The following ACTR3B variants were observed in gnomAD, a reference collection of about 807,000 sequenced individuals.
ACTR3B encodes actin related protein 3B.
ACTR3B carries 8 observed loss-of-function variants against 59.0 expected under a neutral mutation model. That is an observed-to-expected ratio of 0.14 (90% confidence interval 0.08 to 0.24). ACTR3B has a LOEUF of 0.24. ACTR3B is among the 10% of genes least tolerant of loss of function. The pLI is 1.00. For synonymous variants in ACTR3B, 148 were observed against 197.9 expected, an observed-to-expected ratio of 0.75 and a Z score of 2.12; for missense variants, 245 against 552.3, an observed-to-expected ratio of 0.44 and a Z score of 5.58.
intron 1 of ACTR3B, among the ~76,000 whole-genome samples, chr7:152,770,609 C>T (rs1045543989): frequency 6.6e-6 from 1 of 151,932 alleles, no homozygotes; most frequent in Non-Finnish European, 1.5e-5. Flanking sequence ...GCCTGTCCTC[C>T]ACAATGAACT....
chr7:152,806,996 T>C (rs1313663164), intron 4 of ACTR3B, among the ~76,000 whole-genome samples: 5 of 152,108 alleles, frequency 3.3e-5, no homozygotes, highest in East Asian at 1.9e-4. Context: ...GTGTCACCCA[T>C]GTTAGGGAGC....
Position 152,777,174 on chromosome 7 carries a change from T to C in ACTR3B, c.45-6013T>C, listed in dbSNP as rs2098138073. On this transcript the variant is annotated intron_variant, in intron 1 of 11. Transcript: ENST00000256001. ...GGCTCTTTAACCCTTTACTATCACC[T>C]GTGTATAATTTACCACCACCTTCAG... Among the ~76,000 whole-genome samples, 4 of 152,226 alleles carry C rather than the reference T, an allele frequency of 2.6e-5. No homozygotes were observed. In the South Asian group the frequency reaches 8.3e-4, roughly 31 times the overall value.
At chr7:152,833,666 G>A (rs559075604) in intron 9 of ACTR3B, among the ~76,000 whole-genome samples, 60 of 152,228 alleles carry the variant, frequency 3.9e-4, no homozygotes, top group African/African-American at 1.4e-3. Flanking sequence ...TTTTAATACC[G>A]CATTTGATAT....
At chr7:152,821,912 C>T (rs1015184882) in intron 7 of ACTR3B, among the ~76,000 whole-genome samples, 6 of 152,256 alleles carry the variant, frequency 3.9e-5, no homozygotes, top group African/African-American at 1.4e-4. Context: ...GAGCACACCA[C>T]CCTTGCAGCA....
intron 9 of ACTR3B, among the ~76,000 whole-genome samples, chr7:152,844,471 A>G (rs1178047692): frequency 1.3e-5 from 2 of 152,148 alleles, no homozygotes; most frequent in Non-Finnish European, 2.9e-5. Flanking sequence ...TAAAATAGCC[A>G]TAATAGTGAT....
intron 4 of ACTR3B, chr7:152,811,479 C>T (rs1053969916): frequency 1.3e-5 from 2 of 152,132 alleles, no homozygotes; most frequent in Non-Finnish European, 2.9e-5. Flanking sequence ...GTATGGCATG[C>T]TACTGTGTGA....
At chr7:152,775,815 A>T (rs2098135079) in intron 1 of ACTR3B, among the ~76,000 whole-genome samples, 1 of 152,160 alleles carries the variant, frequency 6.6e-6, no homozygotes, top group Non-Finnish European at 1.5e-5. Context: ...AGAGAGAAGC[A>T]TTGGAAAGAT....
chr7:152,808,672 C>T (rs2098259967), intron 4 of ACTR3B, among the ~76,000 whole-genome samples: 1 of 152,214 alleles, frequency 6.6e-6, no homozygotes. Flanking sequence ...CCCACCTCTA[C>T]TCAGTTTAAA....
At chr7:152,803,782 A>T (rs2098243960) in intron 4 of ACTR3B, among the ~76,000 whole-genome samples, 1 of 152,274 alleles carries the variant, frequency 6.6e-6, no homozygotes, top group Admixed American at 6.5e-5. Context: ...ATGAATGTTC[A>T]AAAACAATCA....
At chr7:152,785,357 T>C (rs1321537325) in intron 2 of ACTR3B, among the ~76,000 whole-genome samples, 1 of 74,340 alleles carries the variant, frequency 1.3e-5, no homozygotes, top group Non-Finnish European at 2.5e-5. Flanking sequence ...ACAGTTACAT[T>C]GTTGGGCTGA....
At chr7:152,771,844 G>A (rs555749832) in intron 1 of ACTR3B, among the ~76,000 whole-genome samples, 46 of 152,316 alleles carry the variant, frequency 3.0e-4, no homozygotes, top group Non-Finnish European at 5.3e-4. Flanking sequence ...GGGAAGCCGA[G>A]GTGGGCAGAT....
At chr7:152,804,503 G>A (rs1157877413) in intron 4 of ACTR3B, among the ~76,000 whole-genome samples, 1 of 152,066 alleles carries the variant, frequency 6.6e-6, no homozygotes, top group Non-Finnish European at 1.5e-5. Flanking sequence ...AGACTTTGTG[G>A]GCAGACACCT....
chr7:152,853,686 C>A, intron 11 of ACTR3B, 109 bp downstream of exon 11: 1 of 886,938 alleles, frequency 1.1e-6, no homozygotes, highest in Non-Finnish European at 1.8e-6. Flanking sequence ...TCGTGTGGCT[C>A]TAAACAGACC....
chr7:152,827,736 G>A (rs1796690410), intron 9 of ACTR3B, among the ~76,000 whole-genome samples: 4 of 152,166 alleles, frequency 2.6e-5, no homozygotes, highest in African/African-American at 4.8e-5. Flanking sequence ...AAGCGGGAGG[G>A]TGATAGAATG....
At chr7:152,777,437 GC>G (rs1158087785) in intron 1 of ACTR3B, among the ~76,000 whole-genome samples, 4 of 152,138 alleles carry the variant, frequency 2.6e-5, no homozygotes, top group Non-Finnish European at 5.9e-5. Context: ...AGGAGTAATA[GC>G]TTATTCATGT....
chr7:152,789,067 C>CAACAACAACAACA (rs2098185617), intron 2 of ACTR3B, among the ~76,000 whole-genome samples: 1 of 37,696 alleles, frequency 2.7e-5, no homozygotes, highest in East Asian at 2.0e-3. Flanking sequence ...CAACAACAAA[C>CAACAACAACAACA]AACAACAACA....
At chr7:152,798,341 G>A (rs2098224438) in intron 2 of ACTR3B, among the ~76,000 whole-genome samples, 1 of 152,074 alleles carries the variant, frequency 6.6e-6, no homozygotes, top group African/African-American at 2.4e-5. Flanking sequence ...CTTCTTTTGA[G>A]AAATGTCCAT....
chr7:152,835,859 A>G (rs1797412793), intron 9 of ACTR3B, among the ~76,000 whole-genome samples: 1 of 152,022 alleles, frequency 6.6e-6, no homozygotes, highest in African/African-American at 2.4e-5. Context: ...GAGGGCGACC[A>G]TTTTGATATG....
chr7:152,834,479 C>G (rs1391660097), intron 9 of ACTR3B, among the ~76,000 whole-genome samples: 2 of 152,228 alleles, frequency 1.3e-5, no homozygotes, highest in Non-Finnish European at 2.9e-5. Context: ...ATTACTTCAT[C>G]TTTCCCTTTT....
Sources: gnomAD v4.1 joint callset for allele counts (sites outside exome capture counted in the v4.1 genomes callset) on GRCh38, gnomAD v4.1.1 for gene constraint, MANE v1.5 for transcripts, NCBI Gene and HGNC (gene_info 2026-07-23, HGNC 2026-07-21) for gene names.